Variants in MUC22 observed in about 807,000 individuals in gnomAD.
The protein encoded by MUC22 is mucin 22.
MUC22 carries 24 observed loss-of-function variants against 40.3 expected under a neutral mutation model. The observed-to-expected ratio is 0.60, with a 90% CI of 0.43 to 0.84. The LOEUF (loss-of-function observed/expected upper bound fraction) is 0.84. MUC22 is among the 40% of genes least tolerant of loss of function. MUC22 has a pLI of 0.00. For synonymous variants in MUC22, 765 were observed against 844.5 expected (o/e 0.91, Z 1.63); for missense variants, 1,926 against 2,130.7 (o/e 0.90, Z 1.89).
rs1766177236 is a variant in MUC22, at chr6:31,032,942, G to C, written c.5055+361G>C. On this transcript the variant is annotated intron_variant, in intron 3 of 3. Transcript: ENST00000561890. The surrounding 1 kb of genome is among the most constrained non-coding windows in gnomAD (Gnocchi z 4.1). The stretch of plus-strand genomic sequence containing the variant: ...GCACTTTGGAAGGCCAAGGAGGGCG[G>C]ATCACTTGAGTCCAGGCATTTGAGA... 6.6e-6 allele frequency among the ~76,000 whole-genome samples: 1 copy of C among 152,174 alleles called. No homozygotes were observed. The highest frequency in any genetic ancestry group is 2.1e-4 in the South Asian group (1 of 4,828).
chr6:31,032,133 A>G lies in MUC22; in HGVS notation c.4670-63A>G, dbSNP rs1766107540. 1 of 1,476,596 alleles carries G rather than the reference A, an allele frequency of 6.8e-7. No individual in the cohort carries two copies. Among genetic ancestry groups the G allele is most frequent in the Non-Finnish European group, 9.0e-7 (1 of 1,115,206 alleles). The allele number at this position is 1,476,596 out of a possible 1,614,324, so 91.5% of individuals were successfully genotyped here. On this transcript the variant is annotated intron_variant, in intron 2 of 3. Coordinates refer to ENST00000561890, the Ensembl canonical transcript of MUC22. The surrounding 1 kb of genome is among the most constrained non-coding windows in gnomAD (Gnocchi z 4.1). ...AGATTCACCCTCCTCTGGTCTAAGC[A>G]CCCCCATTCCCCTTTAATCATCTCT...
intron 2 of MUC22, 50 bp downstream of exon 2, chr6:31,030,150 C>G: frequency 1.4e-6 from 2 of 1,455,764 alleles, no homozygotes; most frequent in Non-Finnish European, 1.8e-6. Context: ...ACTCCAGTGG[C>G]AACCACCAGC....
chr6:31,021,922 A>G (rs1013631352), intron 1 of MUC22, among the ~76,000 whole-genome samples: 1 of 152,096 alleles, frequency 6.6e-6, no homozygotes. Context: ...TTTTGGGTCT[A>G]CACTGTTTTT....
chr6:31,027,395 C>A, exon 2 of MUC22: 1 of 1,533,634 alleles, frequency 6.5e-7, no homozygotes, highest in Non-Finnish European at 8.7e-7. Flanking sequence ...GGCTCTGAGA[C>A]CACTACAGTT....
At chr6:31,021,115 C>G (rs9262512) in intron 1 of MUC22, among the ~76,000 whole-genome samples, 3 of 152,172 alleles carry the variant, frequency 2.0e-5, no homozygotes, top group Non-Finnish European at 4.4e-5. Context: ...GAGCGCATGG[C>G]GTAGGACTGG....
chr6:31,013,061 C>T (rs1763957288), intron 1 of MUC22, among the ~76,000 whole-genome samples: 1 of 151,682 alleles, frequency 6.6e-6, no homozygotes, highest in Admixed American at 6.6e-5. Flanking sequence ...TGAATGATGT[C>T]CATCCTAACG....
At chr6:31,017,230 G>A (rs1014017574) in intron 1 of MUC22, among the ~76,000 whole-genome samples, 2 of 152,254 alleles carry the variant, frequency 1.3e-5, no homozygotes, top group Non-Finnish European at 2.9e-5. Flanking sequence ...CGGCCCAGGT[G>A]CGGGATCCAC....
At chr6:31,027,435 C>A in exon 2 of MUC22, 1 of 1,530,902 alleles carries the variant, frequency 6.5e-7, no homozygotes. Flanking sequence ...CCACCACCAC[C>A]TGTACTGAAG....
intron 1 of MUC22, among the ~76,000 whole-genome samples, chr6:31,020,923 A>G (rs759013622): frequency 9.2e-5 from 14 of 152,210 alleles, no homozygotes; most frequent in Non-Finnish European, 1.9e-4. Context: ...CTGGCGCTGC[A>G]CTGGATTTCT....
intron 1 of MUC22, among the ~76,000 whole-genome samples, chr6:31,017,626 G>A (rs1472767272): frequency 2.0e-5 from 3 of 152,186 alleles, no homozygotes; most frequent in Admixed American, 2.0e-4. Flanking sequence ...ATAGCTCAAG[G>A]TTTGTAAATG....
chr6:31,012,993 G>C (rs903940909), intron 1 of MUC22, among the ~76,000 whole-genome samples: 3 of 151,930 alleles, frequency 2.0e-5, no homozygotes, highest in Admixed American at 6.6e-5. Context: ...CAGTAAGCTT[G>C]GTGGGATGGC....
chr6:31,029,645 C>T, exon 2 of MUC22: 4 of 1,535,582 alleles, frequency 2.6e-6, no homozygotes, highest in Non-Finnish European at 3.5e-6. Flanking sequence ...GTCTCTGAGA[C>T]CACCACAGTC....
At chr6:31,018,329 C>T (rs958147997) in intron 1 of MUC22, among the ~76,000 whole-genome samples, 2 of 152,220 alleles carry the variant, frequency 1.3e-5, no homozygotes, top group African/African-American at 2.4e-5. Context: ...AACTATCCTT[C>T]CTGTATTTAG....
chr6:31,022,801 T>C (rs112102158), intron 1 of MUC22, among the ~76,000 whole-genome samples: 1,533 of 152,116 alleles, frequency 0.01, 28 homozygotes, highest in African/African-American at 0.035. Context: ...AAGAATGATA[T>C]TTAATAAGCT....
At chr6:31,021,895 T>C (rs1764789147) in intron 1 of MUC22, among the ~76,000 whole-genome samples, 1 of 127,184 alleles carries the variant, frequency 7.9e-6, no homozygotes, top group African/African-American at 2.6e-5. Flanking sequence ...TTGCAATAGA[T>C]TTTGCTACTG....
chr6:31,022,273 T>A (rs1477917045), intron 1 of MUC22, among the ~76,000 whole-genome samples: 2 of 152,172 alleles, frequency 1.3e-5, no homozygotes, highest in African/African-American at 2.4e-5. Context: ...TTTTCCTGCC[T>A]CAGCTTCTCG....
upstream of MUC22, chr6:31,010,361 C>T (rs368492997): frequency 5.2e-5 from 13 of 249,266 alleles, no homozygotes; most frequent in African/African-American, 2.0e-4. Context: ...TCTCTCCAAA[C>T]GGCCCTGCAG....
At chr6:31,025,752 C>A (rs542982895) in exon 2 of MUC22, 6 of 1,529,194 alleles carry the variant, frequency 3.9e-6, no homozygotes, top group Middle Eastern at 1.7e-4. Flanking sequence ...CTATAGCCTC[C>A]ACTAGGACCT....
rs866118879 is a variant in MUC22, at chr6:31,032,390, C to T, written c.4864C>T (p.Arg1622Cys). 2.0e-5 allele frequency: 30 copies of T among 1,535,588 alleles called. No homozygotes were observed. In the African/African-American group the frequency reaches 2.5e-4, roughly 13 times the overall value. ...CGTCAGGACCACCACAGGATCCACCCGTGAGCCAACCAGCAGCACCTTCCA... is the reference window on the plus strand; with the variant it reads ...CGTCAGGACCACCACAGGATCCACCTGTGAGCCAACCAGCAGCACCTTCCA... The change falls in exon 3 of 4, where the codon CGT (arginine) becomes TGT (cysteine). Residue 1622 changes from arginine (R) to cysteine (C), a missense_variant. Arg to Cys is a radical substitution (Grantham distance 180). This residue lies in a region of MUC22 where 610 missense variants were observed against 714.6 expected (regional missense o/e 0.85). Coordinates refer to ENST00000561890, the Ensembl canonical transcript of MUC22. The surrounding 1 kb of genome is among the most constrained non-coding windows in gnomAD (Gnocchi z 4.1).
Sources: gnomAD v4.1 joint callset for allele counts (sites outside exome capture counted in the v4.1 genomes callset) on GRCh38, gnomAD v4.1.1 for gene constraint, gnomAD v4.1.1 regional missense constraint, Gnocchi (gnomAD v3.1) non-coding constraint, MANE v1.5 for transcripts, NCBI Gene and HGNC (gene_info 2026-07-23, HGNC 2026-07-21) for gene names.